RASAL1: variants seen among roughly 807,000 people sequenced by gnomAD.
The protein encoded by RASAL1 is RAS protein activator like 1, also known as rasGAP-activating-like protein 1.
A neutral mutation model predicts 96.6 loss-of-function variants in RASAL1; 72 were observed. The ratio of observed to expected loss-of-function variants is 0.75; its 90% CI spans 0.62 to 0.91. The LOEUF is 0.91. RASAL1 is among the 40% of genes least tolerant of loss of function. The probability of loss-of-function intolerance (pLI) is 0.00; values close to 1 mark genes in which losing one functional copy is unlikely to be tolerated. For synonymous variants in RASAL1, 405 were observed against 430.4 expected, an observed-to-expected ratio of 0.94 and a Z score of 0.73; for missense variants, 1,016 against 1,072.5, an observed-to-expected ratio of 0.95 and a Z score of 0.74.
chr12:113,099,777 G>T lies in RASAL1; in HGVS notation c.*152C>A. 3 of 1,123,810 alleles carry T rather than the reference G, an allele frequency of 2.7e-6. No homozygotes were observed. The highest frequency in any genetic ancestry group is 3.6e-5 in the South Asian group (2 of 55,346). The allele number at this position is 1,123,810 out of a possible 1,614,324, so 69.6% of individuals were successfully genotyped here. A position where few individuals can be genotyped will look rare whatever the true frequency, so the allele number is the denominator to read the frequency against. ...AAGGGCTTCCATGCCCTGAGTTCTG[G>T]ACTCAAGGCACACAGGACTAGGCAC... is the stretch of plus-strand genomic sequence containing the variant. On this transcript the variant is annotated 3_prime_UTR_variant, in exon 21 of 21. Transcript: ENST00000548055.
intron 12 of RASAL1, 52 bp downstream of exon 12, chr12:113,114,748 C>T (rs1405939854): frequency 1.3e-5 from 19 of 1,499,348 alleles, no homozygotes; most frequent in Middle Eastern, 1.7e-4. Context: ...GACAAGGCTC[C>T]GGGTAGCCAA....
chr12:113,101,433 A>AT (rs1302166609), intron 19 of RASAL1, among the ~76,000 whole-genome samples: 3 of 152,068 alleles, frequency 2.0e-5, no homozygotes, highest in African/African-American at 7.2e-5. Flanking sequence ...AAATAAATAA[A>AT]TTTTTTTAAA....
Position 113,099,805 on chromosome 12 carries a change from C to A in RASAL1, c.*124G>T, listed in dbSNP as rs552038949. The A allele has an allele frequency of 7.2e-7, 1 of 1,396,356 alleles. No individual in the cohort carries two copies. The highest frequency in any genetic ancestry group is 1.4e-5 in the South Asian group (1 of 69,096). The allele number at this position is 1,396,356 out of a possible 1,614,324, so 86.5% of individuals were successfully genotyped here. A position where few individuals can be genotyped will look rare whatever the true frequency, so the allele number is the denominator to read the frequency against. ...TCAAGGCACACAGGACTAGGCACGT[C>A]TCTGGGAGCCTCCAAACCACAGAAT... On this transcript the variant is annotated 3_prime_UTR_variant, in exon 21 of 21. Transcript: ENST00000548055.
intron 4 of RASAL1, 29 bp downstream of exon 4, chr12:113,127,783 T>C (rs1157990752): frequency 3.1e-6 from 5 of 1,593,280 alleles, no homozygotes; most frequent in Admixed American, 1.7e-5. Context: ...CATGGCCCCC[T>C]CCTCCCTCTG....
intron 15 of RASAL1, 135 bp from the exon 16 acceptor site, chr12:113,106,021 G>T: frequency 4.2e-6 from 4 of 944,790 alleles, no homozygotes; most frequent in Non-Finnish European, 6.2e-6. Flanking sequence ...GAGGATGAGC[G>T]CGATGACTTC....
In RASAL1 at chr12:113,129,949, G is replaced by A. The variant is rs915589942; in HGVS notation, c.122+936C>T. Among the ~76,000 whole-genome samples the A allele has an allele frequency of 1.8e-4, 28 of 152,180 alleles. No individual in the cohort carries two copies. Among genetic ancestry groups the A allele is most frequent in the African/African-American group, 6.5e-4 (27 of 41,446 alleles). ...GAAAATCAATCTGTGGGTTTGGGGT[G>A]GTGTCAGGGAATGTATCAAGGGGCC... On this transcript the variant is annotated intron_variant, in intron 2 of 20. Coordinates refer to ENST00000548055, the MANE Select transcript of RASAL1 (RefSeq NM_001301202.2). This position sits in a 1 kb window ranked among gnomAD's most constrained non-coding sequence, Gnocchi z 5.0.
intron 7 of RASAL1, among the ~76,000 whole-genome samples, chr12:113,118,837 G>A (rs1418375481): frequency 6.6e-6 from 1 of 152,106 alleles, no homozygotes; most frequent in African/African-American, 2.4e-5. Flanking sequence ...TCTGTGGGAG[G>A]GACACTCAGC....
In RASAL1 at chr12:113,119,229, C is replaced by T. The variant is rs754237340; in HGVS notation, c.541G>A (p.Asp181Asn). Residue 181 changes from aspartate (D) to asparagine (N), a missense_variant, in exon 7 of 21, where the codon GAT (aspartate) becomes AAT (asparagine). Coordinates refer to ENST00000548055, the MANE Select transcript of RASAL1 (RefSeq NM_001301202.2). ...ATCTCCCGCAGCTCCAGCACTTCATCCCAGTGCGGGAAGCGAGTCTTCTTG... is the reference window on the plus strand; with the variant it reads ...ATCTCCCGCAGCTCCAGCACTTCATTCCAGTGCGGGAAGCGAGTCTTCTTG... ...TIKKTRFPHW[D>N]EVLELREMPG... is the part of the protein sequence containing the mutation. The T allele has an allele frequency of 8.1e-6, 13 of 1,613,846 alleles. No homozygotes were observed. In the Middle Eastern group the frequency reaches 1.7e-3, roughly 205 times the overall value.
intron 18 of RASAL1, among the ~76,000 whole-genome samples, chr12:113,102,718 A>G (rs1292274913): frequency 6.6e-6 from 1 of 152,142 alleles, no homozygotes; most frequent in Non-Finnish European, 1.5e-5. Context: ...ACTCTGTCTC[A>G]AAAACAAAAA....
rs1023580552 is a variant in RASAL1 at position 113,112,309 on chromosome 12, G to A, written c.1182-31C>T. 14 of 1,249,308 alleles carry A rather than the reference G, an allele frequency of 1.1e-5. 1 individual carries two copies. Among genetic ancestry groups the A allele is most frequent in the Middle Eastern group, 4.2e-4 (2 of 4,746 alleles). 77.4% of individuals were successfully genotyped at this position (1,249,308 alleles called of 1,614,324 possible). A position where few individuals can be genotyped will look rare whatever the true frequency, so the allele number is the denominator to read the frequency against. ...GGGGCCGGCGGAGCAGCTCAGCCTC[G>A]GGGCACAACATCTGCCTGCTCCAAA... On this transcript the variant is annotated intron_variant, in intron 12 of 20. Transcript: ENST00000548055.
Position 113,107,273 on chromosome 12 carries a change from A to G in RASAL1, c.1513-32T>C, listed in dbSNP as rs772051639. 1.9e-6 allele frequency: 3 copies of G among 1,563,156 alleles called. No individual in the cohort carries two copies. In the East Asian group the frequency reaches 6.8e-5, roughly 35 times the overall value. On this transcript the variant is annotated intron_variant, in intron 14 of 20. Transcript: ENST00000548055. Reference sequence around the variant, plus strand: ...CAAAGAAGCGAGGGATGCCGGGGCCAAGGTCACAGCAGAGGGTAGGGCCCC... The same window carrying G: ...CAAAGAAGCGAGGGATGCCGGGGCCGAGGTCACAGCAGAGGGTAGGGCCCC...
intron 1 of RASAL1, among the ~76,000 whole-genome samples, chr12:113,133,860 G>C (rs1446512370): frequency 2.0e-5 from 3 of 152,202 alleles, no homozygotes; most frequent in Non-Finnish European, 4.4e-5. Context: ...CAGGAAGTTT[G>C]GCCAAGAGCT....
chr12:113,134,729 T>A (rs918198876), intron 1 of RASAL1, among the ~76,000 whole-genome samples: 1 of 152,024 alleles, frequency 6.6e-6, no homozygotes, highest in African/African-American at 2.4e-5. Context: ...GGACTAGTAG[T>A]GAAGGGAGCC....
Position 113,135,298 on chromosome 12 carries a change from C to A in RASAL1, c.65+100G>T. ...AGACCAGTCTTGGACAAGAACCCCT[C>A]GCCCTCCTGCCAACCCGCCCTGGCA... On this transcript the variant is annotated intron_variant, in intron 1 of 20. Coordinates refer to ENST00000548055, the MANE Select transcript of RASAL1 (RefSeq NM_001301202.2). The surrounding 1 kb of genome is among the most constrained non-coding windows in gnomAD (Gnocchi z 5.7). The A allele has an allele frequency of 1.8e-6, 2 of 1,128,906 alleles. No individual in the cohort carries two copies. The highest frequency in any genetic ancestry group is 2.6e-6 in the Non-Finnish European group (2 of 779,096). 69.9% of individuals were successfully genotyped at this position (1,128,906 alleles called of 1,614,324 possible). A position where few individuals can be genotyped will look rare whatever the true frequency, so the allele number is the denominator to read the frequency against.
chr12:113,107,829 T>A (rs1166817705), intron 14 of RASAL1, among the ~76,000 whole-genome samples: 1 of 152,240 alleles, frequency 6.6e-6, no homozygotes, highest in Non-Finnish European at 1.5e-5. Context: ...ATCTAATTCA[T>A]ACTAAGGTGT....
chr12:113,112,164 G>A lies in RASAL1; in HGVS notation c.1296C>T (p.Arg432=). The A allele has an allele frequency of 8.0e-7, 1 of 1,254,000 alleles. No individual in the cohort carries two copies. Among genetic ancestry groups the A allele is most frequent in the Admixed American group, 4.2e-5 (1 of 23,938 alleles). 77.7% of individuals were successfully genotyped at this position (1,254,000 alleles called of 1,614,324 possible). A position where few individuals can be genotyped will look rare whatever the true frequency, so the allele number is the denominator to read the frequency against. Residue 432 remains arginine (R), a synonymous_variant, in exon 13 of 21, where the codon CGC becomes CGT. Transcript: ENST00000548055. ...AGGCGAGGCGCATGGCGGGCGGGCA[G>A]CGCCCCACGGAGCCCACGATGGCGT... ...IVDAIVGSVG[R]CPPAMRLAFK... is the part of the protein sequence containing the mutation.
intron 1 of RASAL1, among the ~76,000 whole-genome samples, chr12:113,131,503 A>C (rs1042978209): frequency 6.6e-6 from 1 of 151,264 alleles, no homozygotes; most frequent in African/African-American, 2.4e-5. Context: ...TGGGAAGGGG[A>C]CTCCCCATTC....
chr12:113,123,285 TC>T (rs1347812564), intron 4 of RASAL1, among the ~76,000 whole-genome samples: 7 of 152,226 alleles, frequency 4.6e-5, no homozygotes, highest in Non-Finnish European at 8.8e-5. Flanking sequence ...GCCCATGGTG[TC>T]TCATTTCCTT....
In RASAL1 at chr12:113,099,929, T is replaced by C. The variant is rs763826605; in HGVS notation, c.2418A>G (p.Ter806=). 6.2e-7 allele frequency: 1 copy of C among 1,609,876 alleles called. No individual in the cohort carries two copies. The highest frequency in any genetic ancestry group is 8.5e-7 in the Non-Finnish European group (1 of 1,177,746). Residue 806 remains the stop codon, a stop_retained_variant, in exon 21 of 21, where the codon TAA becomes TAG. Coordinates refer to ENST00000548055, the MANE Select transcript of RASAL1 (RefSeq NM_001301202.2). ...GKAALGPLGP[*] is the part of the protein sequence containing the mutation. The stretch of plus-strand genomic sequence containing the variant: ...CTTCCGGGCTAGCTCTGGCATTTCC[T>C]TAGGGGCCAAGGGGGCCCAGGGCCG...
Sources: allele counts gnomAD v4.1 joint callset (sites outside exome capture counted in the v4.1 genomes callset), GRCh38; gene constraint gnomAD v4.1.1; non-coding constraint Gnocchi (gnomAD v3.1); transcripts MANE v1.5; gene names NCBI Gene and HGNC (gene_info 2026-07-23, HGNC 2026-07-21).